Variants in OPRM1 observed in about 807,000 individuals in gnomAD.
OPRM1 encodes opioid receptor mu 1.
A neutral mutation model predicts 31.8 loss-of-function variants in OPRM1; 27 were observed. The ratio of observed to expected loss-of-function variants is 0.85; its 90% confidence interval spans 0.63 to 1.17. The LOEUF (loss-of-function observed/expected upper bound fraction) is 1.17. Ranked by LOEUF, OPRM1 falls within the 50% of genes most tolerant of loss-of-function variation. The probability of loss-of-function intolerance (pLI) is 0.00; values close to 1 mark genes in which losing one functional copy is unlikely to be tolerated. For synonymous variants in OPRM1, 196 were observed against 189.9 expected, an observed-to-expected ratio of 1.03 and a Z score of -0.26; for missense variants, 536 against 511.1, an observed-to-expected ratio of 1.05 and a Z score of -0.47.
chr6:154,215,431 C>G (rs1324686134), intron 3 of OPRM1, among the ~76,000 whole-genome samples: 1 of 152,084 alleles, frequency 6.6e-6, no homozygotes, highest in Non-Finnish European at 1.5e-5. Flanking sequence ...GGGAGAAACC[C>G]CGTCACTACT....
chr6:154,102,810 G>A (rs1351611492), intron 3 of OPRM1, among the ~76,000 whole-genome samples: 4 of 151,334 alleles, frequency 2.6e-5, no homozygotes, highest in Non-Finnish European at 4.4e-5. Context: ...TGTTTTTAAA[G>A]CAATGCTTGA....
At chr6:154,052,716 C>T (rs1583246158) in intron 1 of OPRM1, among the ~76,000 whole-genome samples, 1 of 152,180 alleles carries the variant, frequency 6.6e-6, no homozygotes, top group South Asian at 2.1e-4. Flanking sequence ...AATAGGAACA[C>T]ATCATCTTCT....
At chr6:154,229,799 A>G (rs1383040079) in intron 3 of OPRM1, among the ~76,000 whole-genome samples, 1 of 152,242 alleles carries the variant, frequency 6.6e-6, no homozygotes, top group African/African-American at 2.4e-5. Flanking sequence ...TATTCATAGT[A>G]ACCTAGAACT....
At chr6:154,086,052 G>A (rs114122522) in intron 1 of OPRM1, among the ~76,000 whole-genome samples, 1,537 of 152,118 alleles carry the variant, frequency 0.01, 25 homozygotes, top group African/African-American at 0.036. Flanking sequence ...TGACCAGGCT[G>A]GTCTCCTTCC....
Position 154,039,575 on chromosome 6 carries a change from A to C in OPRM1, c.31A>C (p.Ser11Arg). The change falls in exon 1 of 4, where the codon AGC (serine) becomes CGC (arginine). Residue 11 changes from serine (S) to arginine (R), a missense_variant. Transcript: ENST00000330432. Reference protein sequence around the residue: MDSSAAPTNASNCTDALAYSS... With the variant: MDSSAAPTNARNCTDALAYSS... ...CAGCAGCGCTGCCCCCACGAACGCC[A>C]GCAATTGCACTGATGCCTTGGCGTA... is the stretch of plus-strand genomic sequence containing the variant. 1 of 1,613,476 alleles carries C rather than the reference A, an allele frequency of 6.2e-7. No individual in the cohort carries two copies.
At chr6:154,076,947 G>C (rs1487436182) in intron 1 of OPRM1, among the ~76,000 whole-genome samples, 3 of 151,792 alleles carry the variant, frequency 2.0e-5, no homozygotes, top group Non-Finnish European at 1.5e-5. Flanking sequence ...AAGTTTTGCT[G>C]AAAAGTAAAA....
chr6:154,162,549 G>C (rs1198396700), intron 3 of OPRM1, among the ~76,000 whole-genome samples: 1 of 152,162 alleles, frequency 6.6e-6, no homozygotes, highest in African/African-American at 2.4e-5. Context: ...TTCTTGAACA[G>C]TTTCATTGTT....
chr6:154,067,563 T>C (rs1320183236), intron 1 of OPRM1, among the ~76,000 whole-genome samples: 1 of 151,972 alleles, frequency 6.6e-6, no homozygotes, highest in African/African-American at 2.4e-5. Context: ...AAGATTTAAT[T>C]TGTGGTCTAA....
intron 1 of OPRM1, among the ~76,000 whole-genome samples, chr6:154,023,210 T>A (rs916188780): frequency 6.6e-6 from 1 of 151,548 alleles, no homozygotes; most frequent in Non-Finnish European, 1.5e-5. Context: ...TTTTTTAGTG[T>A]CCTTTTACAT....
chr6:154,204,876 T>G (rs1303834717), intron 3 of OPRM1, among the ~76,000 whole-genome samples: 1 of 152,194 alleles, frequency 6.6e-6, no homozygotes, highest in African/African-American at 2.4e-5. Context: ...AAGGTCCACA[T>G]GAACCCCTAA....
intron 1 of OPRM1, among the ~76,000 whole-genome samples, chr6:154,033,733 G>C (rs1466530025): frequency 6.6e-6 from 1 of 152,218 alleles, no homozygotes; most frequent in Non-Finnish European, 1.5e-5. Context: ...GAAAGAAGCT[G>C]AGACATTTTT....
At position 154,039,689 on chromosome 6, in the gene OPRM1, C is replaced by G. The variant is rs190334733; in HGVS notation, c.145C>G (p.Arg49Gly). ...CCTGTCCGACCCATGCGGTCCGAAC[C>G]GCACCGACCTGGGCGGGAGAGACAG... ...GNLSDPCGPN[R>G]TDLGGRDSLC... is the part of the protein sequence containing the mutation. The change falls in exon 1 of 4, where the codon CGC (arginine) becomes GGC (glycine). Residue 49 changes from arginine to glycine, a missense_variant. Transcript: ENST00000330432. 2.5e-6 allele frequency: 4 copies of G among 1,613,986 alleles called. No individual in the cohort carries two copies. Among genetic ancestry groups the G allele is most frequent in the Non-Finnish European group, 2.5e-6 (3 of 1,180,036 alleles).
chr6:154,110,525 G>A (rs1796225830), intron 3 of OPRM1: 4 of 672,842 alleles, frequency 5.9e-6, no homozygotes, highest in South Asian at 1.7e-5. Flanking sequence ...ATGGCTTAAG[G>A]GTTGCTTATG....
Position 154,091,416 on chromosome 6 carries a change from C to G in OPRM1, c.1108C>G (p.Gln370Glu). 8 of 1,613,986 alleles carry G rather than the reference C, an allele frequency of 5.0e-6. No individual in the cohort carries two copies. The highest frequency in any genetic ancestry group is 6.8e-6 in the Non-Finnish European group (8 of 1,180,036). ...GCAACAAAACTCCACTCGAATTCGT[C>G]AGAACACTAGAGACCACCCCTCCAC... ...IEQQNSTRIR[Q>E]NTRDHPSTAN... Residue 370 changes from glutamine to glutamate, a missense_variant, in exon 3 of 4, where the codon CAG becomes GAG. Coordinates refer to ENST00000330432, the MANE Select transcript of OPRM1 (RefSeq NM_000914.5).
intron 3 of OPRM1, among the ~76,000 whole-genome samples, chr6:154,220,925 G>A (rs1379408109): frequency 6.6e-6 from 1 of 152,216 alleles, no homozygotes; most frequent in Non-Finnish European, 1.5e-5. Context: ...GTAGAATTCC[G>A]AAAGCTGCAA....
chr6:154,012,963 C>A (rs1282826951), intron 1 of OPRM1, among the ~76,000 whole-genome samples: 1 of 152,088 alleles, frequency 6.6e-6, no homozygotes, highest in African/African-American at 2.4e-5. Context: ...AACCACCTGC[C>A]AAAGGCTCCA....
chr6:154,161,560 G>A (rs999975098), intron 3 of OPRM1, among the ~76,000 whole-genome samples: 4 of 152,034 alleles, frequency 2.6e-5, no homozygotes, highest in African/African-American at 9.7e-5. Flanking sequence ...GCATCACATT[G>A]TCCAGGAAAC....
chr6:154,104,717 C>G (rs1368853142), intron 3 of OPRM1, among the ~76,000 whole-genome samples: 1 of 152,148 alleles, frequency 6.6e-6, no homozygotes, highest in Non-Finnish European at 1.5e-5. Context: ...TATACATGAC[C>G]TGATTATTTG....
chr6:154,056,691 G>T (rs994331756), intron 1 of OPRM1, among the ~76,000 whole-genome samples: 1 of 152,062 alleles, frequency 6.6e-6, no homozygotes, highest in Non-Finnish European at 1.5e-5. Flanking sequence ...CTTTGTTTCC[G>T]AGCATTTTTT....
Sources: gnomAD v4.1 joint callset for allele counts (sites outside exome capture counted in the v4.1 genomes callset) on GRCh38, gnomAD v4.1.1 for gene constraint, MANE v1.5 for transcripts, NCBI Gene and HGNC (gene_info 2026-07-23, HGNC 2026-07-21) for gene names.